SPON1: variants seen among roughly 807,000 people sequenced by gnomAD.
SPON1 encodes spondin 1, also known as spondin-1.
SPON1 carries 52 observed loss-of-function variants against 111.7 expected under a neutral mutation model. The observed-to-expected ratio is 0.47, with a 90% CI of 0.37 to 0.59. The LOEUF is 0.59. SPON1 is among the 20% of genes least tolerant of loss of function. The pLI is 0.00. For synonymous variants in SPON1, 410 were observed against 395.8 expected (o/e 1.04, Z -0.43); for missense variants, 957 against 1,068.5 (o/e 0.90, Z 1.46).
chr11:14,026,838 C>T (rs1281430753), intron 2 of SPON1, among the ~76,000 whole-genome samples: 8 of 152,118 alleles, frequency 5.3e-5, no homozygotes, highest in African/African-American at 1.4e-4. Context: ...GTGAGGTTAC[C>T]CCAACTTGTC....
chr11:14,255,883 C>T (rs1218918262), intron 9 of SPON1, 96 bp downstream of exon 9: 2 of 1,298,556 alleles, frequency 1.5e-6, no homozygotes, highest in East Asian at 2.5e-5. Flanking sequence ...GAGTCACTGG[C>T]AGAAAGCACC....
intron 6 of SPON1, among the ~76,000 whole-genome samples, chr11:14,226,436 G>C (rs1371431952): frequency 6.6e-6 from 1 of 152,166 alleles, no homozygotes; most frequent in African/African-American, 2.4e-5. Flanking sequence ...GTACAGTATC[G>C]GTTGTTTACC....
chr11:14,162,030 C>T (rs184010516), intron 6 of SPON1, among the ~76,000 whole-genome samples: 86 of 151,694 alleles, frequency 5.7e-4, no homozygotes, highest in African/African-American at 1.6e-3. Context: ...TGGTGGCAAG[C>T]GCCTGTAATC....
intron 1 of SPON1, among the ~76,000 whole-genome samples, chr11:13,974,101 C>T (rs911214137): frequency 6.6e-6 from 1 of 152,146 alleles, no homozygotes; most frequent in African/African-American, 2.4e-5. Context: ...GGCTAGGTGG[C>T]CTGAATTACT....
rs782039006 is a variant in SPON1 at position 14,260,610 on chromosome 11, C to G, written c.1854C>G (p.Ser618=). 2.1e-5 allele frequency: 34 copies of G among 1,613,620 alleles called. No homozygotes were observed. The highest frequency in any genetic ancestry group is 2.9e-5 in the Non-Finnish European group (34 of 1,179,778). The change falls in exon 14 of 16, where the codon TCC becomes TCG. Residue 618 remains serine, a synonymous_variant. Transcript: ENST00000576479. ...PECHTIPCLL[S]PWSEWSDCSV... ...TAGACACCATCCCATGCTTGCTGTC[C>G]CCATGGTCCGAGTGGAGTGACTGCA... is the stretch of plus-strand genomic sequence containing the variant.
chr11:14,039,928 A>G (rs1476904640), intron 2 of SPON1, among the ~76,000 whole-genome samples: 2 of 152,204 alleles, frequency 1.3e-5, no homozygotes, highest in African/African-American at 4.8e-5. Context: ...AACCTGATAA[A>G]TTTGTGAAGA....
chr11:13,988,914 G>T (rs947580421), intron 2 of SPON1, among the ~76,000 whole-genome samples: 1 of 152,178 alleles, frequency 6.6e-6, no homozygotes. Flanking sequence ...GATCGTGGTG[G>T]ATAAGCTTTT....
At chr11:13,993,426 G>C (rs1400962549) in intron 2 of SPON1, among the ~76,000 whole-genome samples, 2 of 151,922 alleles carry the variant, frequency 1.3e-5, no homozygotes, top group African/African-American at 4.8e-5. Context: ...CTGTACAAAA[G>C]TAACCCACCA....
At chr11:14,235,678 CAAAAAAAAAAAAAAAAAAA>C (rs56925967) in intron 6 of SPON1, among the ~76,000 whole-genome samples, 1 of 71,384 alleles carries the variant, frequency 1.4e-5, no homozygotes, top group Non-Finnish European at 2.5e-5. Context: ...GACCCTGCCT[CAAAAAAAAAAAAAAAAAAA>C]AAAAAAAAAA....
At chr11:14,038,095 G>A (rs562917685) in intron 2 of SPON1, among the ~76,000 whole-genome samples, 2 of 143,288 alleles carry the variant, frequency 1.4e-5, no homozygotes, top group African/African-American at 4.9e-5. Context: ...GAACCCGGGA[G>A]GTAGGGGTTG....
chr11:14,087,997 A>C (rs1554922872), intron 5 of SPON1, among the ~76,000 whole-genome samples: 2 of 151,800 alleles, frequency 1.3e-5, no homozygotes, highest in Non-Finnish European at 1.5e-5. Flanking sequence ...ATATTCCTCC[A>C]TCCCTTTTTT....
At position 14,238,887 on chromosome 11, in the gene SPON1, C is replaced by T. The variant is rs370293402; in HGVS notation, c.826-4445C>T. 2.1e-4 allele frequency among the ~76,000 whole-genome samples: 32 copies of T among 152,252 alleles called. No homozygotes were observed. In the East Asian group the frequency reaches 4.8e-3, roughly 23 times the overall value. On this transcript the variant is annotated intron_variant, in intron 6 of 15. Transcript: ENST00000576479. ...TGGCATCATCCAAATGAACCATGAA[C>T]GATGGATGCCCTGAGACACTTTGTT...
At chr11:14,164,747 G>A (rs1848008217) in intron 6 of SPON1, among the ~76,000 whole-genome samples, 2 of 152,124 alleles carry the variant, frequency 1.3e-5, no homozygotes, top group Admixed American at 1.3e-4. Context: ...GCCTCCCCTA[G>A]CAGTCAGGGA....
chr11:14,124,071 T>C (rs1554926787), intron 5 of SPON1, among the ~76,000 whole-genome samples: 1 of 152,172 alleles, frequency 6.6e-6, no homozygotes, highest in Non-Finnish European at 1.5e-5. Context: ...TATTCTCTTC[T>C]CTGCTTCACA....
chr11:14,135,293 A>G lies in SPON1; in HGVS notation c.677-127A>G. 1 of 1,086,670 alleles carries G rather than the reference A, an allele frequency of 9.2e-7. No homozygotes were observed. The highest frequency in any genetic ancestry group is 1.3e-6 in the Non-Finnish European group (1 of 753,162). The allele number at this position is 1,086,670 out of a possible 1,614,324, so 67.3% of individuals were successfully genotyped here. On this transcript the variant is annotated intron_variant, in intron 5 of 15. Transcript: ENST00000576479. This position sits in a 1 kb window ranked among gnomAD's most constrained non-coding sequence, Gnocchi z 4.4. The stretch of plus-strand genomic sequence containing the variant: ...TTATCACTGAATGGCACAGGGCCTA[A>G]GACAGAATAGGTGCTTAGTCAGTGC...
intron 5 of SPON1, among the ~76,000 whole-genome samples, chr11:14,083,293 G>T (rs1554922235): frequency 1.3e-5 from 2 of 152,170 alleles, no homozygotes; most frequent in Non-Finnish European, 2.9e-5. Context: ...ATTCAAAATA[G>T]ATTCAAATAG....
At chr11:14,231,134 CT>C (rs532103835) in intron 6 of SPON1, among the ~76,000 whole-genome samples, 279 of 138,370 alleles carry the variant, frequency 2.0e-3, no homozygotes, top group Non-Finnish European at 2.1e-3. Flanking sequence ...TCTTTTTTTT[CT>C]TTTTTTTTTT....
intron 2 of SPON1, among the ~76,000 whole-genome samples, chr11:13,987,765 C>T (rs1554910615): frequency 6.6e-6 from 1 of 152,162 alleles, no homozygotes; most frequent in African/African-American, 2.4e-5. Context: ...CAGTTTTCTG[C>T]ATATGGCTAG....
chr11:14,176,643 G>C (rs1269067378), intron 6 of SPON1, among the ~76,000 whole-genome samples: 1 of 152,080 alleles, frequency 6.6e-6, no homozygotes, highest in African/African-American at 2.4e-5. Context: ...CCTGTGATGG[G>C]GTACAGTTAA....
Sources: gnomAD v4.1 joint callset for allele counts (sites outside exome capture counted in the v4.1 genomes callset) on GRCh38, gnomAD v4.1.1 for gene constraint, Gnocchi (gnomAD v3.1) non-coding constraint, MANE v1.5 for transcripts, NCBI Gene and HGNC (gene_info 2026-07-23, HGNC 2026-07-21) for gene names.